Variants in CROCC2 observed in about 807,000 individuals in gnomAD.
CROCC2 encodes ciliary rootlet coiled-coil protein 2.
CROCC2 carries 163 observed loss-of-function variants against 177.6 expected under a neutral mutation model. That is an observed-to-expected ratio of 0.92 (90% CI 0.81 to 1.05). The LOEUF (loss-of-function observed/expected upper bound fraction) is 1.05, where lower values mean the gene tolerates loss of function less well. Ranked by LOEUF, CROCC2 falls within the 50% of genes least tolerant of loss-of-function variation. The probability of loss-of-function intolerance (pLI) is 0.00; values close to 1 mark genes in which losing one functional copy is unlikely to be tolerated. For missense variants in CROCC2, 1,929 were observed against 1,797.8 expected (o/e 1.07, Z -1.32); for synonymous variants, 904 against 787.3 (o/e 1.15, Z -2.48).
At chr2:240,913,503 C>T (rs1310784593) in intron 1 of CROCC2, among the ~76,000 whole-genome samples, 1 of 152,256 alleles carries the variant, frequency 6.6e-6, no homozygotes, top group East Asian at 1.9e-4. Flanking sequence ...GAGCAGTGCG[C>T]TGTGTCCGAG....
At chr2:240,923,541 G>GC (rs1173474474) in intron 4 of CROCC2, among the ~76,000 whole-genome samples, 1 of 53,750 alleles carries the variant, frequency 1.9e-5, no homozygotes, top group African/African-American at 8.3e-5. Flanking sequence ...CACTAACCCG[G>GC]CCCCCACACT....
At position 240,918,254 on chromosome 2, in the gene CROCC2, A is replaced by T. The variant is rs1011721986; in HGVS notation, c.79-472A>T. On this transcript the variant is annotated intron_variant, in intron 1 of 31. Transcript: ENST00000690015. The surrounding 1 kb of genome is among the most constrained non-coding windows in gnomAD (Gnocchi z 6.3). ...CACCCCCCAACAAACACACACAAAC[A>T]CACTGGGCTCTGTGACTGCTGCGTG... Among the ~76,000 whole-genome samples, 7 of 151,734 alleles carry T rather than the reference A, an allele frequency of 4.6e-5. No homozygotes were observed. Among genetic ancestry groups the T allele is most frequent in the Non-Finnish European group, 1.0e-4 (7 of 67,904 alleles).
intron 5 of CROCC2, among the ~76,000 whole-genome samples, chr2:240,926,855 A>G (rs2059398299): frequency 6.6e-6 from 1 of 152,260 alleles, no homozygotes; most frequent in African/African-American, 2.4e-5. Flanking sequence ...GCAAGGAGTC[A>G]TCGCCTATGC....
Position 240,993,125 on chromosome 2 carries a change from G to T in CROCC2, c.*44G>T. 1 of 715,006 alleles carries T rather than the reference G, an allele frequency of 1.4e-6. No individual in the cohort carries two copies. The highest frequency in any genetic ancestry group is 1.5e-5 in the South Asian group (1 of 67,306). The allele number at this position is 715,006 out of a possible 1,614,324, so 44.3% of individuals were successfully genotyped here. A position where few individuals can be genotyped will look rare whatever the true frequency, so the allele number is the denominator to read the frequency against. On this transcript the variant is annotated 3_prime_UTR_variant, in exon 32 of 32. Transcript: ENST00000690015. ...GGCGCCCAGCGTGGCTGCAGAGGAA[G>T]GGAACGCACCGCAGGTGGGAGGGGC...
intron 24 of CROCC2, 59 bp downstream of exon 24, chr2:240,966,052 A>G: frequency 7.7e-7 from 1 of 1,301,158 alleles, no homozygotes; most frequent in Non-Finnish European, 9.7e-7. Context: ...CTGGCCTGGC[A>G]CCTCTCTTTC....
rs1363309561 is a variant in CROCC2, at chr2:240,973,428, C to T, written c.4401+5166C>T. Among the ~76,000 whole-genome samples the T allele has an allele frequency of 1.7e-5, 2 of 119,478 alleles. No individual in the cohort carries two copies. Among genetic ancestry groups the T allele is most frequent in the East Asian group, 2.0e-4 (1 of 5,056 alleles). 78.4% of individuals were successfully genotyped at this position (119,478 alleles called of 152,430 possible). On this transcript the variant is annotated intron_variant, in intron 27 of 31. Transcript: ENST00000690015. This position sits in a 1 kb window ranked among gnomAD's most constrained non-coding sequence, Gnocchi z 4.7. ...ACAGCCTCATGCCCGCTCAGAAAGGCCCCCCATGCCACCCTTGGACTGGCG... is the reference window on the plus strand; with the variant it reads ...ACAGCCTCATGCCCGCTCAGAAAGGTCCCCCATGCCACCCTTGGACTGGCG...
chr2:240,982,319 G>A lies in CROCC2; in HGVS notation c.4402-561G>A, dbSNP rs1212150257. The A allele has an allele frequency of 6.6e-6, 1 of 152,546 alleles. No individual in the cohort carries two copies. The highest frequency in any genetic ancestry group is 1.5e-5 in the Non-Finnish European group (1 of 68,262). 9.4% of individuals were successfully genotyped at this position (152,546 alleles called of 1,614,324 possible). On this transcript the variant is annotated intron_variant, in intron 27 of 31. Coordinates refer to ENST00000690015, the MANE Select transcript of CROCC2 (RefSeq NM_001351305.2). This position sits in a 1 kb window ranked among gnomAD's most constrained non-coding sequence, Gnocchi z 4.7. ...CTGAAGGCAGAGGGGCTGAGAAGAG[G>A]GCGCAGGGGTGAGGGACACAGCGGG...
chr2:240,926,760 G>T (rs2059397682), intron 5 of CROCC2, among the ~76,000 whole-genome samples: 1 of 152,266 alleles, frequency 6.6e-6, no homozygotes, highest in Non-Finnish European at 1.5e-5. Context: ...CTCCTGAAAG[G>T]CAGGTGTCAG....
chr2:240,972,012 A>G lies in CROCC2; in HGVS notation c.4401+3750A>G, dbSNP rs900032202. Among the ~76,000 whole-genome samples the G allele has an allele frequency of 3.9e-5, 6 of 152,020 alleles. No homozygotes were observed. The highest frequency in any genetic ancestry group is 7.4e-5 in the Non-Finnish European group (5 of 68,010). ...CCTCACCTTGAGAACACTAGTTACC[A>G]TCTTCTGGTGTGTGTCAGTAGCTCA... On this transcript the variant is annotated intron_variant, in intron 27 of 31. Transcript: ENST00000690015. The surrounding 1 kb of genome is among the most constrained non-coding windows in gnomAD (Gnocchi z 7.1).
At chr2:240,961,121 C>A (rs76772356) in intron 20 of CROCC2, among the ~76,000 whole-genome samples, 1 of 152,194 alleles carries the variant, frequency 6.6e-6, no homozygotes, top group East Asian at 1.9e-4. Context: ...AAGCAGAGCC[C>A]GTGCAGGCGC....
At position 240,982,838 on chromosome 2, in the gene CROCC2, C is replaced by G; in HGVS notation, c.4402-42C>G. 1 of 1,524,002 alleles carries G rather than the reference C, an allele frequency of 6.6e-7. No individual in the cohort carries two copies. The allele number at this position is 1,524,002 out of a possible 1,614,324, so 94.4% of individuals were successfully genotyped here. A position where few individuals can be genotyped will look rare whatever the true frequency, so the allele number is the denominator to read the frequency against. ...AGGGTTTCCCTGCAGGGCCTCCCAC[C>G]CCCAGTGTCTCCAGGTGGACCCTGT... On this transcript the variant is annotated intron_variant, in intron 27 of 31. Transcript: ENST00000690015. The surrounding 1 kb of genome is among the most constrained non-coding windows in gnomAD (Gnocchi z 4.7).
At chr2:240,925,599 G>A (rs895726762) in intron 4 of CROCC2, 125 bp from the exon 5 acceptor site, 3 of 609,572 alleles carry the variant, frequency 4.9e-6, no homozygotes, top group Admixed American at 3.0e-5. Flanking sequence ...CTGTGCACCT[G>A]AGCCCAGGTC....
chr2:240,939,957 C>A (rs958031726), intron 14 of CROCC2, among the ~76,000 whole-genome samples: 1 of 152,146 alleles, frequency 6.6e-6, no homozygotes, highest in African/African-American at 2.4e-5. Context: ...AGTCTGTTGT[C>A]TATCTTGAAC....
chr2:240,926,406 T>C (rs2059395997), intron 5 of CROCC2, among the ~76,000 whole-genome samples: 1 of 152,070 alleles, frequency 6.6e-6, no homozygotes, highest in African/African-American at 2.4e-5. Context: ...CATGCCCTGC[T>C]CGGATCTCTC....
At chr2:240,975,770 C>A (rs957638482) in intron 27 of CROCC2, among the ~76,000 whole-genome samples, 1 of 137,634 alleles carries the variant, frequency 7.3e-6, no homozygotes, top group Non-Finnish European at 1.5e-5. Context: ...GCTCTCGTTG[C>A]CCAGGCTGGA....
intron 18 of CROCC2, chr2:240,950,945 A>C (rs1156505593): frequency 5.9e-6 from 1 of 169,256 alleles, no homozygotes; most frequent in Non-Finnish European, 1.3e-5. Context: ...CTGCTCATCC[A>C]TCCATCTACC....
chr2:240,983,295 G>A (rs1259272586), intron 28 of CROCC2: 1 of 1,082,572 alleles, frequency 9.2e-7, no homozygotes, highest in Non-Finnish European at 1.3e-6. Flanking sequence ...CTACAACAGA[G>A]GAGTCAGCTG....
chr2:240,949,538 A>C lies in CROCC2; in HGVS notation c.2488A>C (p.Met830Leu). Residue 830 changes from methionine to leucine, a missense_variant, in exon 17 of 32, where the codon ATG becomes CTG. Met to Leu is a conservative substitution (Grantham distance 15, BLOSUM62 2). Around this residue, in one of 3 missense-constraint regions of CROCC2, gnomAD observed 1,397 missense variants for 1,239.9 expected, o/e 1.13. Coordinates refer to ENST00000690015, the MANE Select transcript of CROCC2 (RefSeq NM_001351305.2). This position sits in a 1 kb window ranked among gnomAD's most constrained non-coding sequence, Gnocchi z 4.5. ...GLARQALQVE[M>L]EQLQSDWEVQ... Reference sequence around the variant, plus strand: ...TCTCACCCATCACCCCACAGTGGAAATGGAGCAGCTACAAAGTGACTGGGA... The same window carrying C: ...TCTCACCCATCACCCCACAGTGGAACTGGAGCAGCTACAAAGTGACTGGGA... The C allele has an allele frequency of 6.5e-7, 1 of 1,550,218 alleles. No individual in the cohort carries two copies. The highest frequency in any genetic ancestry group is 8.7e-7 in the Non-Finnish European group (1 of 1,146,724).
At chr2:240,941,866 A>G (rs2059496725) in intron 14 of CROCC2, among the ~76,000 whole-genome samples, 2 of 152,362 alleles carry the variant, frequency 1.3e-5, no homozygotes, top group South Asian at 4.1e-4. Flanking sequence ...GATTTAGGCC[A>G]TAAGGGTTCC....
Sources: gnomAD v4.1 joint callset for allele counts (sites outside exome capture counted in the v4.1 genomes callset) on GRCh38, gnomAD v4.1.1 for gene constraint, gnomAD v4.1.1 regional missense constraint, Gnocchi (gnomAD v3.1) non-coding constraint, MANE v1.5 for transcripts, NCBI Gene and HGNC (gene_info 2026-07-23, HGNC 2026-07-21) for gene names.